The following COX7B2 variants were observed in gnomAD, a reference collection of about 807,000 sequenced individuals.
COX7B2 encodes the protein cytochrome c oxidase subunit 7B2.
For synonymous variants in COX7B2, 37 were observed against 32.1 expected (o/e 1.15, Z -0.51); for missense variants, 109 against 95.9 (o/e 1.14, Z -0.57).
intron 2 of COX7B2, among the ~76,000 whole-genome samples, chr4:46,831,234 C>T (rs1021999964): frequency 1.3e-5 from 2 of 152,104 alleles, no homozygotes; most frequent in Non-Finnish European, 2.9e-5. Flanking sequence ...GGCCCACCAA[C>T]GCAGCGCTTG....
At chr4:46,821,079 T>C (rs1714251344) in intron 2 of COX7B2, among the ~76,000 whole-genome samples, 1 of 152,128 alleles carries the variant, frequency 6.6e-6, no homozygotes, top group Admixed American at 6.5e-5. Flanking sequence ...TAAAAACCAC[T>C]TCTGCGTTTC....
intron 1 of COX7B2, among the ~76,000 whole-genome samples, chr4:46,887,091 G>C (rs1347390745): frequency 6.6e-6 from 1 of 152,056 alleles, no homozygotes; most frequent in East Asian, 1.9e-4. Flanking sequence ...AATCAAATAG[G>C]AAGAAAGGAA....
intron 1 of COX7B2, among the ~76,000 whole-genome samples, chr4:46,875,623 C>T (rs528575907): frequency 2.6e-5 from 4 of 152,184 alleles, no homozygotes; most frequent in African/African-American, 9.6e-5. Flanking sequence ...CCCATACTCC[C>T]TACACTGACA....
intron 1 of COX7B2, among the ~76,000 whole-genome samples, chr4:46,898,865 C>G (rs1719921010): frequency 6.6e-6 from 1 of 152,192 alleles, no homozygotes; most frequent in Non-Finnish European, 1.5e-5. Flanking sequence ...TTTCTGCTCC[C>G]TGATCATAAA....
intron 2 of COX7B2, among the ~76,000 whole-genome samples, chr4:46,746,956 C>A (rs536924069): frequency 6.6e-6 from 1 of 152,172 alleles, no homozygotes; most frequent in African/African-American, 2.4e-5. Context: ...GCAGAAGAGG[C>A]AGATAATGAT....
chr4:46,865,406 G>A (rs1010713211), intron 1 of COX7B2, among the ~76,000 whole-genome samples: 10 of 152,170 alleles, frequency 6.6e-5, no homozygotes, highest in African/African-American at 2.4e-4. Flanking sequence ...GTATTGTGTT[G>A]TGATAAGCAT....
chr4:46,808,399 C>A (rs1314259732), intron 2 of COX7B2, among the ~76,000 whole-genome samples: 1 of 151,586 alleles, frequency 6.6e-6, no homozygotes, highest in Non-Finnish European at 1.5e-5. Flanking sequence ...TTGCCATATT[C>A]ATTTATTAGT....
At chr4:46,801,953 A>G (rs181393638) in intron 2 of COX7B2, among the ~76,000 whole-genome samples, 28 of 152,260 alleles carry the variant, frequency 1.8e-4, no homozygotes, top group Non-Finnish European at 1.6e-4. Flanking sequence ...TTTAGAACAG[A>G]TAAACTCACT....
chr4:46,881,765 G>T (rs907125821), intron 1 of COX7B2, among the ~76,000 whole-genome samples: 1 of 152,142 alleles, frequency 6.6e-6, no homozygotes, highest in Non-Finnish European at 1.5e-5. Context: ...GCCCTAAGCA[G>T]TTTCCAGCTT....
At chr4:46,872,245 A>T (rs548259173) in intron 1 of COX7B2, among the ~76,000 whole-genome samples, 64 of 152,104 alleles carry the variant, frequency 4.2e-4, no homozygotes, top group Admixed American at 8.5e-4. Flanking sequence ...ACTACATGTT[A>T]TCACTTATAA....
At chr4:46,832,553 T>A (rs1715216934) in intron 2 of COX7B2, among the ~76,000 whole-genome samples, 1 of 152,204 alleles carries the variant, frequency 6.6e-6, no homozygotes, top group Non-Finnish European at 1.5e-5. Flanking sequence ...GGTAACTGGC[T>A]AGCTAACTGA....
At chr4:46,737,073 T>C (rs1714413250) in intron 2 of COX7B2, among the ~76,000 whole-genome samples, 2 of 152,174 alleles carry the variant, frequency 1.3e-5, no homozygotes, top group South Asian at 4.1e-4. Context: ...CCACCAGCAC[T>C]GAATGAGAGT....
intron 2 of COX7B2, among the ~76,000 whole-genome samples, chr4:46,787,795 G>A (rs1232149002): frequency 6.6e-6 from 1 of 152,184 alleles, no homozygotes; most frequent in Non-Finnish European, 1.5e-5. Context: ...GCTTGCCTTG[G>A]CTCTACTTAC....
intron 2 of COX7B2, among the ~76,000 whole-genome samples, chr4:46,822,078 A>C (rs1462725189): frequency 6.6e-6 from 1 of 152,078 alleles, no homozygotes; most frequent in Non-Finnish European, 1.5e-5. Flanking sequence ...CACTGGGCTA[A>C]TTTTTGTATT....
At chr4:46,757,836 G>C (rs927511595) in intron 2 of COX7B2, among the ~76,000 whole-genome samples, 1 of 152,096 alleles carries the variant, frequency 6.6e-6, no homozygotes, top group Non-Finnish European at 1.5e-5. Context: ...CTGTAGCAAA[G>C]AAGAAAGGCA....
intron 2 of COX7B2, among the ~76,000 whole-genome samples, chr4:46,755,304 G>T (rs1715719650): frequency 6.6e-6 from 1 of 151,944 alleles, no homozygotes; most frequent in African/African-American, 2.4e-5. Flanking sequence ...CATAATAAAG[G>T]CCATATATGA....
At chr4:46,882,837 G>A (rs911157359) in intron 1 of COX7B2, among the ~76,000 whole-genome samples, 6 of 152,022 alleles carry the variant, frequency 3.9e-5, no homozygotes, top group African/African-American at 1.4e-4. Context: ...TGAGTCTTCT[G>A]ATTTGTAAGA....
intron 2 of COX7B2, among the ~76,000 whole-genome samples, chr4:46,836,610 G>A (rs143855771): frequency 1.6e-4 from 24 of 151,742 alleles, no homozygotes; most frequent in Non-Finnish European, 2.7e-4. Flanking sequence ...AAAAGAAGGA[G>A]CACAAGCTAA....
intron 1 of COX7B2, among the ~76,000 whole-genome samples, chr4:46,859,953 C>T (rs1717235313): frequency 6.6e-6 from 1 of 152,206 alleles, no homozygotes. Flanking sequence ...AGCTACTCTT[C>T]TGTACACTGC....
Sources: allele counts gnomAD v4.1 joint callset (sites outside exome capture counted in the v4.1 genomes callset), GRCh38; gene constraint gnomAD v4.1.1; transcripts MANE v1.5; gene names NCBI Gene and HGNC (gene_info 2026-07-23, HGNC 2026-07-21).